The following ETNPPL variants were observed in gnomAD, a reference collection of about 807,000 sequenced individuals.
The protein encoded by ETNPPL is ethanolamine-phosphate phospho-lyase.
A neutral mutation model predicts 55.5 loss-of-function variants in ETNPPL; 30 were observed. The observed-to-expected ratio is 0.54, with a 90% CI of 0.40 to 0.73. The LOEUF (loss-of-function observed/expected upper bound fraction) is 0.73, where lower values mean the gene tolerates loss of function less well. Ranked by LOEUF, ETNPPL falls within the 30% of genes least tolerant of loss-of-function variation. The probability of loss-of-function intolerance (pLI) is 0.00; values close to 1 mark genes in which losing one functional copy is unlikely to be tolerated. For missense variants in ETNPPL, 528 were observed against 607.9 expected, an observed-to-expected ratio of 0.87 and a Z score of 1.38; for synonymous variants, 202 against 207.2, an observed-to-expected ratio of 0.98 and a Z score of 0.21.
intron 5 of ETNPPL, among the ~76,000 whole-genome samples, chr4:108,753,808 A>AAAGAAAG (rs1560656731): frequency 5.3e-5 from 4 of 75,138 alleles, no homozygotes; most frequent in Admixed American, 2.7e-4. Context: ...AAGAAAGAAA[A>AAAGAAAG]GAGAAGAAAA....
Position 108,752,825 on chromosome 4 carries a change from A to G in ETNPPL, c.618+70T>C, listed in dbSNP as rs1728974931. 3.5e-6 allele frequency: 3 copies of G among 866,686 alleles called. No homozygotes were observed. In the South Asian group the frequency reaches 4.6e-5, roughly 13 times the overall value. The allele number at this position is 866,686 out of a possible 1,614,324, so 53.7% of individuals were successfully genotyped here. A position where few individuals can be genotyped will look rare whatever the true frequency, so the allele number is the denominator to read the frequency against. On this transcript the variant is annotated intron_variant, in intron 6 of 12. Transcript: ENST00000296486. Reference sequence around the variant, plus strand: ...AGATATAATCCTTTTCCATCTCTTCAGTGAATCCCAACAGTTTTAATCCCT... The same window carrying G: ...AGATATAATCCTTTTCCATCTCTTCGGTGAATCCCAACAGTTTTAATCCCT...
At chr4:108,749,546 A>C (rs1728796931) in intron 7 of ETNPPL, 83 bp from the exon 8 acceptor site, 2 of 396,126 alleles carry the variant, frequency 5.0e-6, no homozygotes, top group South Asian at 5.2e-5. Context: ...TATTGAAGAC[A>C]AAAAAAAAAA....
chr4:108,746,326 T>C (rs1216354205), intron 11 of ETNPPL, 73 bp downstream of exon 11: 1 of 1,429,682 alleles, frequency 7.0e-7, no homozygotes, highest in Non-Finnish European at 9.4e-7. Flanking sequence ...ATGCTCATTA[T>C]GACTAGACCA....
intron 8 of ETNPPL, 119 bp from the exon 9 acceptor site, chr4:108,748,278 CTCTTA>C (rs1353096178): frequency 4.8e-6 from 3 of 628,554 alleles, no homozygotes; most frequent in Non-Finnish European, 7.8e-6. Flanking sequence ...ATAAAATGTT[CTCTTA>C]TAATATTAGT....
At chr4:108,749,173 G>C (rs1468467634) in intron 8 of ETNPPL, 65 bp downstream of exon 8, 1 of 1,322,098 alleles carries the variant, frequency 7.6e-7, no homozygotes, top group African/African-American at 1.5e-5. Flanking sequence ...TACTACATTG[G>C]CAAAAAATAT....
At position 108,750,625 on chromosome 4, in the gene ETNPPL, A is replaced by ATATATATATATATATATATC. The variant is rs1553933962; in HGVS notation, c.701+310_701+311insGATATATATATATATATATA. On this transcript the variant is annotated intron_variant, in intron 7 of 12. Coordinates refer to ENST00000296486, the MANE Select transcript of ETNPPL (RefSeq NM_031279.4). ...TATGATATATATAGGATATATATATATCCTATTAGTTTGGTCCCTCTAGAG... is the reference window on the plus strand; with the variant it reads ...TATGATATATATAGGATATATATATATATATATATATATATATATCTCCTATTAGTTTGGTCCCTCTAGAG... 4.1e-5 allele frequency among the ~76,000 whole-genome samples: 5 copies of ATATATATATATATATATATC among 122,890 alleles called. 1 individual carries two copies. The South Asian group carries it at 1.0e-3, about 26-fold the overall frequency. The allele number at this position is 122,890 out of a possible 152,430, so 80.6% of individuals were successfully genotyped here. A position where few individuals can be genotyped will look rare whatever the true frequency, so the allele number is the denominator to read the frequency against.
chr4:108,748,572 T>C (rs1475818008), intron 8 of ETNPPL, among the ~76,000 whole-genome samples: 1 of 152,206 alleles, frequency 6.6e-6, no homozygotes, highest in Non-Finnish European at 1.5e-5. Flanking sequence ...ATCTTACTTT[T>C]AGCTGTAACA....
chr4:108,752,250 T>A (rs1728949718), intron 6 of ETNPPL, among the ~76,000 whole-genome samples: 1 of 152,208 alleles, frequency 6.6e-6, no homozygotes, highest in Non-Finnish European at 1.5e-5. Flanking sequence ...AAGTCTATGC[T>A]ATAAGCCAAT....
intron 8 of ETNPPL, 130 bp from the exon 9 acceptor site, chr4:108,748,289 T>C (rs1305467531): frequency 1.7e-6 from 1 of 602,956 alleles, no homozygotes; most frequent in Non-Finnish European, 2.8e-6. Flanking sequence ...TCTTATAATA[T>C]TAGTTTCTCA....
rs1041882133 is a variant in ETNPPL, at chr4:108,742,174, T to C, written c.*310A>G. ...GCACCTGTTATACTTTGCTCTCTAA[T>C]TTGACACATTAAAACATGAGAGGTA... On this transcript the variant is annotated 3_prime_UTR_variant, in exon 13 of 13. Coordinates refer to ENST00000296486, the MANE Select transcript of ETNPPL (RefSeq NM_031279.4). 4 of 205,366 alleles carry C rather than the reference T, an allele frequency of 1.9e-5. No individual in the cohort carries two copies. The highest frequency in any genetic ancestry group is 9.0e-5 in the African/African-American group (4 of 44,370). 12.7% of individuals were successfully genotyped at this position (205,366 alleles called of 1,614,324 possible).
In ETNPPL at chr4:108,743,968, T is replaced by C. The variant is rs574059918; in HGVS notation, c.1304-112A>G. On this transcript the variant is annotated intron_variant, in intron 11 of 12. Transcript: ENST00000296486. The stretch of plus-strand genomic sequence containing the variant: ...ATGAAGAATGGAAGGAAATGTTATG[T>C]GTTAAAAGAATGGGCTGGGCGCTGT... The C allele has an allele frequency of 4.4e-5, 32 of 730,220 alleles. No homozygotes were observed. The East Asian group carries it at 8.0e-4, about 18-fold the overall frequency. 45.2% of individuals were successfully genotyped at this position (730,220 alleles called of 1,614,324 possible). A position where few individuals can be genotyped will look rare whatever the true frequency, so the allele number is the denominator to read the frequency against.
At chr4:108,762,751 A>T (rs1729574865) in intron 1 of ETNPPL, 92 bp downstream of exon 1, 1 of 1,452,524 alleles carries the variant, frequency 6.9e-7, no homozygotes, top group African/African-American at 1.4e-5. Context: ...GCTGCAGCGC[A>T]TCGTTTGTTC....
chr4:108,747,934 T>C lies in ETNPPL; in HGVS notation c.1082+71A>G. 2.2e-6 allele frequency: 3 copies of C among 1,334,742 alleles called. 1 individual carries two copies. The South Asian group carries it at 3.9e-5, about 17-fold the overall frequency. The allele number at this position is 1,334,742 out of a possible 1,614,324, so 82.7% of individuals were successfully genotyped here. A position where few individuals can be genotyped will look rare whatever the true frequency, so the allele number is the denominator to read the frequency against. On this transcript the variant is annotated intron_variant, in intron 9 of 12. Coordinates refer to ENST00000296486, the MANE Select transcript of ETNPPL (RefSeq NM_031279.4). ...TAATAGAGACGGGGTCTCACCATGT[T>C]GCCCAGCCTATAAACTATTATTATT...
chr4:108,747,207 TAATATATATATATATATTA>T (rs1728627084), intron 9 of ETNPPL, among the ~76,000 whole-genome samples: 2 of 12,910 alleles, frequency 1.5e-4, no homozygotes, highest in Non-Finnish European at 2.3e-4. Flanking sequence ...TATATATATA[TAATATATATATATATATTA>T]TATATATATA....
At chr4:108,752,252 T>C (rs1391271602) in intron 6 of ETNPPL, among the ~76,000 whole-genome samples, 1 of 152,172 alleles carries the variant, frequency 6.6e-6, no homozygotes, top group Admixed American at 6.5e-5. Context: ...GTCTATGCTA[T>C]AAGCCAATTT....
intron 11 of ETNPPL, among the ~76,000 whole-genome samples, chr4:108,745,463 A>C (rs894624039): frequency 6.6e-6 from 1 of 151,806 alleles, no homozygotes; most frequent in African/African-American, 2.4e-5. Context: ...GTGTGGTGGC[A>C]TGCTCCTGTA....
intron 7 of ETNPPL, 40 bp downstream of exon 7, chr4:108,750,896 G>T: frequency 7.4e-7 from 1 of 1,357,664 alleles, no homozygotes; most frequent in Non-Finnish European, 1.1e-6. Flanking sequence ...TTGTCACAGT[G>T]CTCTCAGTTT....
At chr4:108,751,333 T>A (rs1414944636) in intron 6 of ETNPPL, among the ~76,000 whole-genome samples, 2 of 152,218 alleles carry the variant, frequency 1.3e-5, no homozygotes, top group African/African-American at 4.8e-5. Context: ...AGACTGCTAT[T>A]TTTATTAGTC....
intron 10 of ETNPPL, 102 bp downstream of exon 10, chr4:108,746,660 A>T: frequency 6.7e-7 from 1 of 1,492,460 alleles, no homozygotes; most frequent in Non-Finnish European, 9.3e-7. Flanking sequence ...ATGTATTTAA[A>T]CTTTCCTTTT....
Sources: gnomAD v4.1 joint callset for allele counts (sites outside exome capture counted in the v4.1 genomes callset) on GRCh38, gnomAD v4.1.1 for gene constraint, MANE v1.5 for transcripts, NCBI Gene and HGNC (gene_info 2026-07-23, HGNC 2026-07-21) for gene names.